Variants in ACAP3 observed in about 807,000 individuals in gnomAD.
The protein encoded by ACAP3 is arf-GAP with coiled-coil, ANK repeat and PH domain-containing protein 3.
ACAP3 carries 56 observed loss-of-function variants against 104.1 expected under a neutral mutation model. The observed-to-expected ratio is 0.54, with a 90% CI of 0.43 to 0.67. ACAP3 has a LOEUF of 0.67. Ranked by LOEUF, ACAP3 falls within the 30% of genes least tolerant of loss-of-function variation. The pLI is 0.00. For missense variants in ACAP3, 1,208 were observed against 1,174.9 expected, an observed-to-expected ratio of 1.03 and a Z score of -0.41; for synonymous variants, 628 against 496.2, an observed-to-expected ratio of 1.27 and a Z score of -3.53.
rs1483195172 is a variant in ACAP3 at position 1,296,226 on chromosome 1, C to A, written c.1392G>T (p.Glu464Asp). The stretch of plus-strand genomic sequence containing the variant: ...CCACACGCACCTTTAGCAGCTCAGG[C>A]TCCCACGAGTCCAGCGTCAGGGACC... ...KVRSLTLDSW[E>D]PELLKLMCEL... is the part of the protein sequence containing the mutation. Residue 464 changes from glutamate to aspartate, a missense_variant, in exon 16 of 24, where the codon GAG (glutamate) becomes GAT (aspartate). Glu to Asp is a conservative substitution (Grantham distance 45). Coordinates refer to ENST00000354700, the MANE Select transcript of ACAP3 (RefSeq NM_030649.3). 1.1e-5 allele frequency: 17 copies of A among 1,569,694 alleles called. No homozygotes were observed. The highest frequency in any genetic ancestry group is 1.5e-5 in the Non-Finnish European group (17 of 1,156,956).
chr1:1,307,907 C>G lies in ACAP3; in HGVS notation c.-92G>C. 1.4e-6 allele frequency: 1 copy of G among 732,858 alleles called. No individual in the cohort carries two copies. Among genetic ancestry groups the G allele is most frequent in the Non-Finnish European group, 1.7e-6 (1 of 601,402 alleles). The allele number at this position is 732,858 out of a possible 1,614,324, so 45.4% of individuals were successfully genotyped here. On this transcript the variant is annotated 5_prime_UTR_variant, in exon 1 of 24. Transcript: ENST00000354700. ...GGACCGCTCGTCCCGCCCGCGCCGC[C>G]TCGGCGCCCGCCCGCCCCGGAATGA...
intron 14 of ACAP3, 81 bp downstream of exon 14, chr1:1,297,741 G>A (rs1641250018): frequency 1.5e-6 from 2 of 1,350,214 alleles, no homozygotes; most frequent in South Asian, 1.3e-5. Context: ...ACGTGTGTGT[G>A]TGCACAGGCG....
At chr1:1,302,160 G>T in intron 4 of ACAP3, 114 bp from the exon 5 acceptor site, 1 of 950,960 alleles carries the variant, frequency 1.1e-6, no homozygotes, top group Non-Finnish European at 1.5e-6. Flanking sequence ...GCAGGGGCGG[G>T]TCCCACCCTG....
In ACAP3 at chr1:1,303,190, T is replaced by C. The variant is rs368959776; in HGVS notation, c.197A>G (p.Gln66Arg). 2 of 1,605,566 alleles carry C rather than the reference T, an allele frequency of 1.2e-6. No individual in the cohort carries two copies. Among genetic ancestry groups the C allele is most frequent in the African/African-American group, 1.3e-5 (1 of 74,604 alleles). ...LFVSGVRDLS[Q>R]QCQGDTVISE... ...GATGACGGTGTCGCCCTGGCACTGCTGGGACAGGTCGCGGACGCCGCTCAC... is the reference window on the plus strand; with the variant it reads ...GATGACGGTGTCGCCCTGGCACTGCCGGGACAGGTCGCGGACGCCGCTCAC... Residue 66 changes from glutamine to arginine, a missense_variant, in exon 3 of 24, where the codon CAG becomes CGG. Coordinates refer to ENST00000354700, the MANE Select transcript of ACAP3 (RefSeq NM_030649.3). This position sits in a 1 kb window ranked among gnomAD's most constrained non-coding sequence, Gnocchi z 4.0.
chr1:1,295,443 T>G lies in ACAP3; in HGVS notation c.1813+4A>C, dbSNP rs772208349. On this transcript the variant is annotated splice_donor_region_variant and intron_variant, in intron 19 of 23. Coordinates refer to ENST00000354700, the MANE Select transcript of ACAP3 (RefSeq NM_030649.3). ...CCACCTGGCTGGGCCCACCCCACAC[T>G]TACTGCGAGGGCCAGCCCCTGCGGC... The G allele has an allele frequency of 6.2e-7, 1 of 1,612,092 alleles. No homozygotes were observed. Among genetic ancestry groups the G allele is most frequent in the East Asian group, 2.2e-5 (1 of 44,850 alleles).
Position 1,294,072 on chromosome 1 carries a change from G to A in ACAP3, c.2249+18C>T, listed in dbSNP as rs776494074. The A allele has an allele frequency of 1.9e-6, 3 of 1,551,102 alleles. No individual in the cohort carries two copies. The highest frequency in any genetic ancestry group is 2.8e-5 in the African/African-American group (2 of 72,660). On this transcript the variant is annotated intron_variant, in intron 22 of 23. Transcript: ENST00000354700. Reference sequence around the variant, plus strand: ...GCGTGGTCGGGGCACAGGGCGGGGCGTGGGTTGCGCGTCTCACCCGGTGCG... The same window carrying A: ...GCGTGGTCGGGGCACAGGGCGGGGCATGGGTTGCGCGTCTCACCCGGTGCG...
At chr1:1,304,213 C>CGGGGGG in intron 1 of ACAP3, 70 bp from the exon 2 acceptor site, 1 of 1,535,622 alleles carries the variant, frequency 6.5e-7, no homozygotes, top group Non-Finnish European at 8.8e-7. Context: ...CCTCCCCCCG[C>CGGGGGG]ACCTCCCTGA....
At chr1:1,295,064 C>G (rs1323909229) in intron 19 of ACAP3, 3 of 565,370 alleles carry the variant, frequency 5.3e-6, no homozygotes, top group East Asian at 5.9e-5. Context: ...CCCTCCCGCT[C>G]GCCGCCTTAC....
intron 12 of ACAP3, 116 bp downstream of exon 12, chr1:1,298,254 C>G: frequency 1.3e-6 from 2 of 1,580,064 alleles, no homozygotes; most frequent in East Asian, 2.3e-5. Context: ...CTGACTGTTC[C>G]GGCTCCGGCG....
At chr1:1,295,028 A>T in intron 19 of ACAP3, 1 of 582,692 alleles carries the variant, frequency 1.7e-6, no homozygotes, top group South Asian at 2.1e-5. Flanking sequence ...TAGCCCCCTA[A>T]AGCCCAGGCC....
In ACAP3 at chr1:1,303,593, G is replaced by A; in HGVS notation, c.106-312C>T. The A allele has an allele frequency of 2.1e-6, 1 of 485,460 alleles. No individual in the cohort carries two copies. The highest frequency in any genetic ancestry group is 3.7e-6 in the Non-Finnish European group (1 of 269,168). 30.1% of individuals were successfully genotyped at this position (485,460 alleles called of 1,614,324 possible). A position where few individuals can be genotyped will look rare whatever the true frequency, so the allele number is the denominator to read the frequency against. Reference sequence around the variant, plus strand: ...TCATGGATAAGGCTGCCCACTCCCAGCTCCACGGCCTGTTGCCCCCTCCTC... The same window carrying A: ...TCATGGATAAGGCTGCCCACTCCCAACTCCACGGCCTGTTGCCCCCTCCTC... On this transcript the variant is annotated intron_variant, in intron 2 of 23. Coordinates refer to ENST00000354700, the MANE Select transcript of ACAP3 (RefSeq NM_030649.3). The surrounding 1 kb of genome is among the most constrained non-coding windows in gnomAD (Gnocchi z 4.0).
intron 21 of ACAP3, 61 bp downstream of exon 21, chr1:1,294,341 C>A: frequency 1.3e-6 from 2 of 1,528,132 alleles, no homozygotes; most frequent in East Asian, 4.9e-5. Flanking sequence ...GTGGGCGCCA[C>A]AGAAGATGCA....
Position 1,296,610 on chromosome 1 carries a change from C to T in ACAP3, c.1152G>A (p.Pro384=), listed in dbSNP as rs374812026. The change falls in exon 15 of 24, where the codon CCG becomes CCA. Residue 384 remains proline (P), a synonymous_variant. Transcript: ENST00000354700. ...TGGCGGAGTCGATGCTGCTCGTGGA[C>T]GGGGATGCTGTGCGGTCCAGCCTCT... is the stretch of plus-strand genomic sequence containing the variant. The part of the protein sequence containing the change: ...YSERLDRTAS[P]STSSIDSATD... 8.7e-5 allele frequency: 134 copies of T among 1,538,006 alleles called. No homozygotes were observed. In the African/African-American group the frequency reaches 1.0e-3, roughly 12 times the overall value.
At position 1,298,072 on chromosome 1, in the gene ACAP3, A is replaced by G; in HGVS notation, c.957T>C (p.Ser319=). The G allele has an allele frequency of 6.2e-7, 1 of 1,610,912 alleles. No homozygotes were observed. The highest frequency in any genetic ancestry group is 8.5e-7 in the Non-Finnish European group (1 of 1,179,134). The change falls in exon 13 of 24, where the codon TCT becomes TCC. Residue 319 remains serine (S), a synonymous_variant. Transcript: ENST00000354700. The part of the protein sequence containing the change: ...TVVVDDLRLC[S]VKPCEDIERR... ...GCTCGATGTCCTCACACGGCTTCAC[A>G]GAGCACAGGCGGAGGTCATCCACCA...
In ACAP3 at chr1:1,299,293, C is replaced by T. The variant is rs937863552; in HGVS notation, c.750+52G>A. 7 of 1,581,438 alleles carry T rather than the reference C, an allele frequency of 4.4e-6. No homozygotes were observed. The African/African-American group carries it at 8.1e-5, about 18-fold the overall frequency. On this transcript the variant is annotated intron_variant, in intron 10 of 23. Transcript: ENST00000354700. ...GGGGTAGAGGAGGGAAAGGCACCGC[C>T]CCATCTGGTCTCCCCCGACCCACAG...
intron 1 of ACAP3, chr1:1,307,070 A>C (rs1398144189): frequency 1.2e-6 from 1 of 820,868 alleles, no homozygotes; most frequent in Non-Finnish European, 1.8e-6. Flanking sequence ...GCAGGTGCGC[A>C]CTTGGGGATG....
chr1:1,300,650 C>G lies in ACAP3; in HGVS notation c.381G>C (p.Lys127Asn). 6.2e-7 allele frequency: 1 copy of G among 1,609,530 alleles called. No individual in the cohort carries two copies. Residue 127 changes from lysine to asparagine, a missense_variant, in exon 6 of 24, where the codon AAG becomes AAC. Lys to Asn is a moderately conservative substitution (Grantham distance 94). Coordinates refer to ENST00000354700, the MANE Select transcript of ACAP3 (RefSeq NM_030649.3). ...KFKETKKQFD[K>N]VREDLELSLV... Reference sequence around the variant, plus strand: ...GGGACAGCTCCAGGTCCTCCCGCACCTTGTCAAACTGCTTCTTTGTCTCCT... The same window carrying G: ...GGGACAGCTCCAGGTCCTCCCGCACGTTGTCAAACTGCTTCTTTGTCTCCT...
At position 1,297,996 on chromosome 1, in the gene ACAP3, G is replaced by A. The variant is rs1641270012; in HGVS notation, c.1016+17C>T. The A allele has an allele frequency of 6.2e-7, 1 of 1,611,506 alleles. No homozygotes were observed. The highest frequency in any genetic ancestry group is 8.5e-7 in the Non-Finnish European group (1 of 1,179,448). ...GCAGGTACGCCCCCCGCCCCACCCT[G>A]GGCTGGGCCTCCTCACTTGGTGGGT... is the stretch of plus-strand genomic sequence containing the variant. On this transcript the variant is annotated intron_variant, in intron 13 of 23. Coordinates refer to ENST00000354700, the MANE Select transcript of ACAP3 (RefSeq NM_030649.3).
chr1:1,301,848 T>G, intron 5 of ACAP3, 140 bp downstream of exon 5: 8 of 756,986 alleles, frequency 1.1e-5, no homozygotes, highest in Non-Finnish European at 1.6e-5. Flanking sequence ...TGTCTGCCTC[T>G]GAGCCTTCTG....
Sources: gnomAD v4.1 joint callset for allele counts on GRCh38, gnomAD v4.1.1 for gene constraint, Gnocchi (gnomAD v3.1) non-coding constraint, MANE v1.5 for transcripts, NCBI Gene and HGNC (gene_info 2026-07-23, HGNC 2026-07-21) for gene names.